SPNS3: variants seen among roughly 807,000 people sequenced by gnomAD.
The protein encoded by SPNS3 is protein spinster homolog 3.
In SPNS3, 51 loss-of-function variants were observed where a neutral mutation model predicts 54.4. That is an observed-to-expected ratio of 0.94 (90% CI 0.75 to 1.18). The LOEUF is 1.18. SPNS3 is among the 50% of genes most tolerant of loss of function. SPNS3 has a pLI of 0.00. For synonymous variants in SPNS3, 309 were observed against 294.7 expected (o/e 1.05, Z -0.50); for missense variants, 669 against 677.4 (o/e 0.99, Z 0.14).
chr17:4,458,624 T>TCTTTCTTTCTTTCTTTC (rs1971404641), intron 8 of SPNS3, among the ~76,000 whole-genome samples: 2 of 144,240 alleles, frequency 1.4e-5, no homozygotes, highest in Non-Finnish European at 3.0e-5. Flanking sequence ...TTTCTTTCTT[T>TCTTTCTTTCTTTCTTTC]CTTTCTTTCT....
chr17:4,455,588 C>T (rs1254630380), intron 8 of SPNS3, among the ~76,000 whole-genome samples: 1 of 152,142 alleles, frequency 6.6e-6, no homozygotes, highest in Non-Finnish European at 1.5e-5. Context: ...CTGCAAGGGG[C>T]CCCCTCTCAT....
Position 4,485,666 on chromosome 17 carries a change from G to T in SPNS3, c.1180-562G>T, listed in dbSNP as rs551139427. Among the ~76,000 whole-genome samples the T allele has an allele frequency of 5.3e-5, 8 of 152,292 alleles. No individual in the cohort carries two copies. In the South Asian group the frequency reaches 1.7e-3, roughly 32 times the overall value. On this transcript the variant is annotated intron_variant, in intron 9 of 11. Transcript: ENST00000355530. ...CCGCCTTGGCCTCCCAAAGTGCTGG[G>T]ATTACAGACGTGAGCCACCGCGCCT... is the stretch of plus-strand genomic sequence containing the variant.
rs199532919 is a variant in SPNS3 at position 4,486,341 on chromosome 17, C to T, written c.1278+15C>T. On this transcript the variant is annotated intron_variant, in intron 10 of 11. Coordinates refer to ENST00000355530, the MANE Select transcript of SPNS3 (RefSeq NM_182538.5). This position sits in a 1 kb window ranked among gnomAD's most constrained non-coding sequence, Gnocchi z 5.5. The stretch of plus-strand genomic sequence containing the variant: ...TCACAGGACTTGTAAGACGTGTCTG[C>T]GTGTGTGGGGTGGGGAGGGTCTGGG... The T allele has an allele frequency of 5.9e-5, 82 of 1,380,930 alleles. No homozygotes were observed. Among genetic ancestry groups the T allele is most frequent in the Admixed American group, 2.8e-4 (15 of 53,970 alleles). The allele number at this position is 1,380,930 out of a possible 1,614,324, so 85.5% of individuals were successfully genotyped here. A position where few individuals can be genotyped will look rare whatever the true frequency, so the allele number is the denominator to read the frequency against.
At position 4,483,260 on chromosome 17, in the gene SPNS3, G is replaced by A. The variant is rs1037086576; in HGVS notation, c.1180-2968G>A. 2.6e-5 allele frequency among the ~76,000 whole-genome samples: 4 copies of A among 152,186 alleles called. No homozygotes were observed. Among genetic ancestry groups the A allele is most frequent in the African/African-American group, 4.8e-5 (2 of 41,448 alleles). Reference sequence around the variant, plus strand: ...TTTCGCCCTCGGCTATAAAGGGAACGGCCCTTCTAAGAAGGGAGAGCCAGA... The same window carrying A: ...TTTCGCCCTCGGCTATAAAGGGAACAGCCCTTCTAAGAAGGGAGAGCCAGA... On this transcript the variant is annotated intron_variant, in intron 9 of 11. Transcript: ENST00000355530. The surrounding 1 kb of genome is among the most constrained non-coding windows in gnomAD (Gnocchi z 4.2).
chr17:4,482,743 C>T (rs1203240654), intron 9 of SPNS3, among the ~76,000 whole-genome samples: 1 of 152,166 alleles, frequency 6.6e-6, no homozygotes, highest in Admixed American at 6.5e-5. Flanking sequence ...CCCTGCCTCC[C>T]GAAACCTAGT....
intron 8 of SPNS3, among the ~76,000 whole-genome samples, chr17:4,458,625 CTT>C (rs1555530843): frequency 7.9e-6 from 1 of 126,668 alleles, no homozygotes; most frequent in South Asian, 2.5e-4. Flanking sequence ...TTCTTTCTTT[CTT>C]TCTTTCTTTC....
chr17:4,449,412 C>T (rs748882063), intron 7 of SPNS3, 25 bp downstream of exon 7: 2 of 1,556,086 alleles, frequency 1.3e-6, no homozygotes, highest in Non-Finnish European at 8.6e-7. Flanking sequence ...GGGCCCTGGG[C>T]ACCTGGCCCG....
intron 8 of SPNS3, among the ~76,000 whole-genome samples, chr17:4,473,513 G>C (rs766397869): frequency 6.6e-6 from 1 of 151,114 alleles, no homozygotes; most frequent in Non-Finnish European, 1.5e-5. Context: ...TTAGCCACCC[G>C]AGTAGCTGGG....
At chr17:4,443,472 A>G (rs1429558724) in intron 2 of SPNS3, among the ~76,000 whole-genome samples, 1 of 152,262 alleles carries the variant, frequency 6.6e-6, no homozygotes, top group Non-Finnish European at 1.5e-5. Flanking sequence ...CTACAAAGCT[A>G]AACACTTCCG....
At chr17:4,479,650 C>A (rs1295789703) in intron 9 of SPNS3, among the ~76,000 whole-genome samples, 2 of 152,242 alleles carry the variant, frequency 1.3e-5, no homozygotes, top group Non-Finnish European at 2.9e-5. Flanking sequence ...CTGGTGCTGG[C>A]CACAAGGGAA....
intron 8 of SPNS3, among the ~76,000 whole-genome samples, chr17:4,466,672 C>A (rs1056952690): frequency 6.6e-6 from 1 of 151,846 alleles, no homozygotes; most frequent in African/African-American, 2.4e-5. Context: ...TGAAACCCTG[C>A]CTCTACTAAA....
rs1324369238 is a variant in SPNS3, at chr17:4,439,729, G to A, written c.265+6G>A. 1.2e-5 allele frequency: 19 copies of A among 1,610,732 alleles called. No homozygotes were observed. Among genetic ancestry groups the A allele is most frequent in the Non-Finnish European group, 1.6e-5 (19 of 1,178,592 alleles). ...TGCTGGTTTGCTTCAGACTGGTAAG[G>A]AGGAGCCCTGGCTCTGGAGCCGGGG... On this transcript the variant is annotated splice_donor_region_variant and intron_variant, in intron 2 of 11. Coordinates refer to ENST00000355530, the MANE Select transcript of SPNS3 (RefSeq NM_182538.5).
intron 9 of SPNS3, among the ~76,000 whole-genome samples, chr17:4,481,113 G>C (rs556764148): frequency 4.7e-4 from 71 of 152,224 alleles, no homozygotes; most frequent in Non-Finnish European, 8.8e-4. Flanking sequence ...GAGCTGACAG[G>C]AGCAAAGGGC....
At chr17:4,461,134 C>T (rs1971487905) in intron 8 of SPNS3, among the ~76,000 whole-genome samples, 1 of 151,964 alleles carries the variant, frequency 6.6e-6, no homozygotes, top group Non-Finnish European at 1.5e-5. Flanking sequence ...TTTGTTGGCA[C>T]ACAATAGTTT....
chr17:4,480,267 G>A (rs1490633662), intron 9 of SPNS3, among the ~76,000 whole-genome samples: 1 of 152,156 alleles, frequency 6.6e-6, no homozygotes, highest in Non-Finnish European at 1.5e-5. Flanking sequence ...AGAGTCAGCC[G>A]CAGACCTGCT....
In SPNS3 at chr17:4,458,590, T is replaced by TTCCTTTCTTTCTTTCTTTCTTTC. The variant is rs1567563840; in HGVS notation, c.1113+5386_1113+5387insCCTTTCTTTCTTTCTTTCTTTCT. 3.6e-4 allele frequency among the ~76,000 whole-genome samples: 21 copies of TTCCTTTCTTTCTTTCTTTCTTTC among 58,628 alleles called. 1 individual carries two copies. Among genetic ancestry groups the TTCCTTTCTTTCTTTCTTTCTTTC allele is most frequent in the Non-Finnish European group, 6.3e-4 (19 of 30,040 alleles). 38.5% of individuals were successfully genotyped at this position (58,628 alleles called of 152,430 possible). On this transcript the variant is annotated intron_variant, in intron 8 of 11. Transcript: ENST00000355530. ...CCTCCTTTCTTTCTTCCTTCCCTCC[T>TTCCTTTCTTTCTTTCTTTCTTTC]TTCTTTCTTTCTTTCTTTCTTTCTT...
In SPNS3 at chr17:4,454,075, C is replaced by T. The variant is rs534895020; in HGVS notation, c.1113+870C>T. Among the ~76,000 whole-genome samples, 3 of 152,316 alleles carry T rather than the reference C, an allele frequency of 2.0e-5. No homozygotes were observed. The East Asian group carries it at 5.8e-4, about 29-fold the overall frequency. On this transcript the variant is annotated intron_variant, in intron 8 of 11. Coordinates refer to ENST00000355530, the MANE Select transcript of SPNS3 (RefSeq NM_182538.5). ...CCTTCTGCAAGACTCAACTCAAAGT[C>T]CGCTTCCTCCAAAAGCCTTCCCCTA...
chr17:4,446,161 C>T lies in SPNS3; in HGVS notation c.516C>T (p.Arg172=), dbSNP rs146044768. The stretch of plus-strand genomic sequence containing the variant: ...TCTTCGTGAGGGACCAGCGCACCCG[C>T]GTGCTGGCTGTCTTCTACATCTTTA... ...GDLFVRDQRT[R]VLAVFYIFIP... Residue 172 remains arginine (R), a synonymous_variant, in exon 4 of 12, where the codon CGC becomes CGT. Coordinates refer to ENST00000355530, the MANE Select transcript of SPNS3 (RefSeq NM_182538.5). 1.5e-5 allele frequency: 25 copies of T among 1,613,062 alleles called. No individual in the cohort carries two copies. The highest frequency in any genetic ancestry group is 8.0e-5 in the African/African-American group (6 of 74,912).
chr17:4,446,310 G>C, intron 4 of SPNS3, 111 bp downstream of exon 4: 1 of 1,190,496 alleles, frequency 8.4e-7, no homozygotes, highest in Admixed American at 2.3e-5. Flanking sequence ...GCTGGGATTT[G>C]AGTCCCAATG....
Sources: allele counts gnomAD v4.1 joint callset (sites outside exome capture counted in the v4.1 genomes callset), GRCh38; gene constraint gnomAD v4.1.1; non-coding constraint Gnocchi (gnomAD v3.1); transcripts MANE v1.5; gene names NCBI Gene and HGNC (gene_info 2026-07-23, HGNC 2026-07-21).